The following SLC67A2 variants were observed in gnomAD, a reference collection of about 807,000 sequenced individuals.
SLC67A2 encodes the protein solute carrier family 67 member A2.
chr2:102,736,725 C>T, the SLC67A2 span: 1 of 1,613,874 alleles, frequency 6.2e-7, no homozygotes, highest in Non-Finnish European at 8.5e-7. Context: ...CGCCTCGGTT[C>T]CTGTCTTCTG....
At chr2:102,735,313 C>T in the SLC67A2 span, among the ~76,000 whole-genome samples, 1 of 152,274 alleles carries the variant, frequency 6.6e-6, no homozygotes, top group East Asian at 1.9e-4. Flanking sequence ...GGGCTTGCAG[C>T]AATTTGATGA....
At chr2:102,715,692 C>T in the SLC67A2 span, 1 of 152,036 alleles carries the variant, frequency 6.6e-6, no homozygotes, top group Non-Finnish European at 1.5e-5. Flanking sequence ...TTCAATACTC[C>T]TAAAATAAGA....
the SLC67A2 span, among the ~76,000 whole-genome samples, chr2:102,725,625 G>A: frequency 5.3e-4 from 81 of 152,262 alleles, no homozygotes; most frequent in East Asian, 0.015. Flanking sequence ...TGGTACTGGG[G>A]TTTGTAAAGA....
the SLC67A2 span, chr2:102,726,802 G>A: frequency 1.9e-6 from 3 of 1,538,992 alleles, no homozygotes; most frequent in African/African-American, 1.4e-5. Context: ...GAGGTTCTGG[G>A]GGAAGCTACG....
chr2:102,734,307 C>G, the SLC67A2 span, among the ~76,000 whole-genome samples: 3 of 152,094 alleles, frequency 2.0e-5, no homozygotes, highest in Admixed American at 6.5e-5. Flanking sequence ...CACCAAGTAT[C>G]TGGAGGAAAA....
At chr2:102,723,623 G>T in the SLC67A2 span, 1 of 1,409,988 alleles carries the variant, frequency 7.1e-7, no homozygotes, top group Non-Finnish European at 9.9e-7. Context: ...AAAACGAATT[G>T]CAAAGAAATA....
At chr2:102,719,124 A>G in the SLC67A2 span, 12 of 1,614,118 alleles carry the variant, frequency 7.4e-6, no homozygotes, top group African/African-American at 1.2e-4. Context: ...CTCCTTCCCA[A>G]CAGCACATGG....
the SLC67A2 span, chr2:102,718,464 G>A: frequency 4.6e-5 from 74 of 1,613,968 alleles, no homozygotes; most frequent in South Asian, 1.4e-4. Context: ...CTAGAGTGTC[G>A]CTTGTTTAGA....
chr2:102,734,323 G>A, the SLC67A2 span, among the ~76,000 whole-genome samples: 1 of 152,136 alleles, frequency 6.6e-6, no homozygotes, highest in Non-Finnish European at 1.5e-5. Context: ...GAAAAAAGTG[G>A]TTGAAATAAT....
the SLC67A2 span, chr2:102,736,574 T>A: frequency 6.2e-7 from 1 of 1,612,250 alleles, no homozygotes; most frequent in Non-Finnish European, 8.5e-7. Flanking sequence ...CCCCGGAAGC[T>A]CCAAGAACCG....
chr2:102,719,017 G>A, the SLC67A2 span: 19 of 1,614,118 alleles, frequency 1.2e-5, no homozygotes, highest in Non-Finnish European at 1.6e-5. Context: ...GGTTCTTCAT[G>A]TTCCGCAAGG....
chr2:102,731,501 T>C, the SLC67A2 span, among the ~76,000 whole-genome samples: 3 of 152,338 alleles, frequency 2.0e-5, no homozygotes, highest in East Asian at 5.8e-4. Context: ...ACTGGTTTTA[T>C]AAAATGATTT....
the SLC67A2 span, among the ~76,000 whole-genome samples, chr2:102,729,046 A>C: frequency 2.1e-4 from 32 of 152,214 alleles, no homozygotes; most frequent in Admixed American, 1.3e-4. Flanking sequence ...TTTTCTGTAT[A>C]AAGATTTGTT....
At chr2:102,723,662 G>C in the SLC67A2 span, 1 of 1,579,080 alleles carries the variant, frequency 6.3e-7, no homozygotes, top group East Asian at 2.2e-5. Context: ...TGGTCAGTAT[G>C]AATACACAAA....
chr2:102,714,813 G>C, the SLC67A2 span, among the ~76,000 whole-genome samples: 1 of 152,074 alleles, frequency 6.6e-6, no homozygotes, highest in African/African-American at 2.4e-5. Context: ...GGCTACTAGG[G>C]GGCAAAGAGG....
the SLC67A2 span, among the ~76,000 whole-genome samples, chr2:102,734,569 G>A: frequency 6.6e-6 from 1 of 151,888 alleles, no homozygotes; most frequent in African/African-American, 2.4e-5. Context: ...TATGTATAAT[G>A]TTCCTTAGAT....
chr2:102,720,805 C>T, the SLC67A2 span, among the ~76,000 whole-genome samples: 3 of 152,064 alleles, frequency 2.0e-5, no homozygotes, highest in Non-Finnish European at 4.4e-5. Context: ...GGCAAAGTGG[C>T]GGATCAGAGG....
chr2:102,724,180 C>G, the SLC67A2 span, among the ~76,000 whole-genome samples: 1 of 152,146 alleles, frequency 6.6e-6, no homozygotes. Context: ...AGTCCCTTAA[C>G]CCTCAGCTTG....
At chr2:102,736,876 C>T in the SLC67A2 span, 19 of 1,497,448 alleles carry the variant, frequency 1.3e-5, no homozygotes, top group Non-Finnish European at 1.6e-5. Context: ...CCAGCCCCGC[C>T]CCGAGCGGAA....
Sources: gnomAD v4.1 joint callset for allele counts (sites outside exome capture counted in the v4.1 genomes callset) on GRCh38, gnomAD v4.1.1 for gene constraint, MANE v1.5 for transcripts, NCBI Gene and HGNC (gene_info 2026-07-23, HGNC 2026-07-21) for gene names.